Variants in KCNQ3 observed in about 807,000 individuals in gnomAD.
The protein encoded by KCNQ3 is potassium voltage-gated channel subfamily KQT member 3.
A neutral mutation model predicts 92.5 loss-of-function variants in KCNQ3; 30 were observed. The observed-to-expected ratio is 0.32, with a 90% CI of 0.24 to 0.44. The LOEUF (loss-of-function observed/expected upper bound fraction) is 0.44, where lower values mean the gene tolerates loss of function less well. Among genes scored for constraint, KCNQ3 ranks in the 20% least tolerant of loss-of-function variants. The pLI, the probability that KCNQ3 is intolerant of heterozygous loss-of-function variation, is 1.00. For synonymous variants in KCNQ3, 450 were observed against 468.8 expected (o/e 0.96, Z 0.52); for missense variants, 913 against 1,140.3 (o/e 0.80, Z 2.87).
chr8:132,317,334 A>T (rs191814702), intron 1 of KCNQ3, among the ~76,000 whole-genome samples: 2 of 152,094 alleles, frequency 1.3e-5, no homozygotes, highest in Non-Finnish European at 2.9e-5. Flanking sequence ...ATGCCTAAAA[A>T]CCATCAATTT....
At chr8:132,159,913 T>C (rs1825932057) in intron 9 of KCNQ3, among the ~76,000 whole-genome samples, 6 of 152,188 alleles carry the variant, frequency 3.9e-5, no homozygotes, top group Admixed American at 3.9e-4. Context: ...ACAAAGTTAA[T>C]ATCTACTGAA....
At chr8:132,412,988 C>T (rs1167531138) in intron 1 of KCNQ3, among the ~76,000 whole-genome samples, 1 of 152,206 alleles carries the variant, frequency 6.6e-6, no homozygotes, top group African/African-American at 2.4e-5. Flanking sequence ...CCACTGACAC[C>T]TCACAGTGGA....
At chr8:132,179,363 CCAGCAAACCAG>C (rs1283225335) in intron 4 of KCNQ3, among the ~76,000 whole-genome samples, 5 of 151,944 alleles carry the variant, frequency 3.3e-5, no homozygotes, top group African/African-American at 4.8e-5. Context: ...CACCACCACC[CCAGCAAACCAG>C]CAGCAAACCA....
intron 1 of KCNQ3, among the ~76,000 whole-genome samples, chr8:132,204,803 C>T (rs1813602392): frequency 1.3e-5 from 2 of 152,162 alleles, no homozygotes; most frequent in South Asian, 4.1e-4. Flanking sequence ...TATTTACATA[C>T]CAGAGCGCTG....
intron 1 of KCNQ3, among the ~76,000 whole-genome samples, chr8:132,435,742 G>T (rs1034003761): frequency 6.6e-6 from 1 of 151,866 alleles, no homozygotes; most frequent in Non-Finnish European, 1.5e-5. Context: ...TTAAGATGAG[G>T]TCTCACTATG....
chr8:132,221,408 T>C (rs1389037467), intron 1 of KCNQ3, among the ~76,000 whole-genome samples: 4 of 152,234 alleles, frequency 2.6e-5, no homozygotes, highest in Non-Finnish European at 4.4e-5. Flanking sequence ...TCCACAATGG[T>C]TGAACTAGTT....
intron 1 of KCNQ3, among the ~76,000 whole-genome samples, chr8:132,338,859 C>G (rs1426341306): frequency 1.3e-5 from 2 of 152,178 alleles, no homozygotes; most frequent in African/African-American, 4.8e-5. Context: ...TCCAAGACCT[C>G]CATCACCTCC....
chr8:132,407,245 T>C (rs1820509400), intron 1 of KCNQ3, among the ~76,000 whole-genome samples: 2 of 152,216 alleles, frequency 1.3e-5, no homozygotes, highest in African/African-American at 4.8e-5. Context: ...CACAGCCACC[T>C]GCCTCGAATG....
chr8:132,185,545 G>T (rs899217751), intron 2 of KCNQ3, among the ~76,000 whole-genome samples: 1 of 152,218 alleles, frequency 6.6e-6, no homozygotes, highest in African/African-American at 2.4e-5. Context: ...CAGAGTCAGG[G>T]GTACCTTAGC....
At chr8:132,355,134 C>A (rs1008396186) in intron 1 of KCNQ3, among the ~76,000 whole-genome samples, 1 of 152,200 alleles carries the variant, frequency 6.6e-6, no homozygotes. Flanking sequence ...CACAAAGCAC[C>A]TCTAGACCAG....
chr8:132,451,704 T>G (rs1050216439), intron 1 of KCNQ3, among the ~76,000 whole-genome samples: 1 of 152,230 alleles, frequency 6.6e-6, no homozygotes, highest in African/African-American at 2.4e-5. Context: ...GGATGAGTTT[T>G]GCAGAGAGTC....
intron 1 of KCNQ3, among the ~76,000 whole-genome samples, chr8:132,404,585 G>T (rs117796932): frequency 0.017 from 2,567 of 152,222 alleles, 27 homozygotes; most frequent in Non-Finnish European, 0.026. Context: ...TTCCCTTCCT[G>T]AAAGCTTCCC....
intron 1 of KCNQ3, among the ~76,000 whole-genome samples, chr8:132,216,555 C>T (rs1814036224): frequency 6.6e-6 from 1 of 152,178 alleles, no homozygotes; most frequent in African/African-American, 2.4e-5. Context: ...CCACTTGGAT[C>T]CCAAAGACAG....
At chr8:132,455,177 C>T (rs368475511) in intron 1 of KCNQ3, among the ~76,000 whole-genome samples, 5 of 152,078 alleles carry the variant, frequency 3.3e-5, no homozygotes, top group East Asian at 1.9e-4. Flanking sequence ...AATACAGTGG[C>T]GTGACTGCAA....
chr8:132,171,709 T>C (rs1409529954), intron 7 of KCNQ3, among the ~76,000 whole-genome samples: 1 of 152,202 alleles, frequency 6.6e-6, no homozygotes, highest in African/African-American at 2.4e-5. Flanking sequence ...TGACAGAGAC[T>C]GTTCTCCTTG....
chr8:132,179,591 C>T (rs1451387178), intron 4 of KCNQ3, among the ~76,000 whole-genome samples: 1 of 152,216 alleles, frequency 6.6e-6, no homozygotes, highest in Non-Finnish European at 1.5e-5. Context: ...ACTGAACAAT[C>T]TCCATGAGCT....
At chr8:132,250,565 A>C (rs1188919566) in intron 1 of KCNQ3, among the ~76,000 whole-genome samples, 1 of 152,200 alleles carries the variant, frequency 6.6e-6, no homozygotes, top group African/African-American at 2.4e-5. Flanking sequence ...CTTAAAATAC[A>C]GAGTCGAATT....
At chr8:132,236,182 G>C (rs763046967) in intron 1 of KCNQ3, among the ~76,000 whole-genome samples, 6 of 152,200 alleles carry the variant, frequency 3.9e-5, no homozygotes, top group Non-Finnish European at 8.8e-5. Context: ...CTACTGGAAA[G>C]AGTTTTCTGA....
At chr8:132,222,574 T>C (rs1178400016) in intron 1 of KCNQ3, among the ~76,000 whole-genome samples, 1 of 152,166 alleles carries the variant, frequency 6.6e-6, no homozygotes, top group Non-Finnish European at 1.5e-5. Flanking sequence ...TAACATTCCA[T>C]GGAGATTCTA....
Sources: gnomAD v4.1 joint callset for allele counts (sites outside exome capture counted in the v4.1 genomes callset) on GRCh38, gnomAD v4.1.1 for gene constraint, MANE v1.5 for transcripts, NCBI Gene and HGNC (gene_info 2026-07-23, HGNC 2026-07-21) for gene names.